FMN1: variants seen among roughly 807,000 people sequenced by gnomAD.
FMN1 encodes formin-1.
A neutral mutation model predicts 132.4 loss-of-function variants in FMN1; 110 were observed. The ratio of observed to expected loss-of-function variants is 0.83; its 90% CI spans 0.71 to 0.97. FMN1 has a LOEUF of 0.97. Among genes scored for constraint, FMN1 ranks in the 50% least tolerant of loss-of-function variants. The pLI is 0.00. For missense variants in FMN1, 1,792 were observed against 1,705.3 expected, an observed-to-expected ratio of 1.05 and a Z score of -0.90; for synonymous variants, 722 against 651.7, an observed-to-expected ratio of 1.11 and a Z score of -1.64.
In FMN1 at chr15:33,153,692, C is replaced by G; in HGVS notation, c.1223G>C (p.Ser408Thr). Residue 408 changes from serine to threonine, a missense_variant, in exon 4 of 21, where the codon AGT becomes ACT. Coordinates refer to ENST00000616417, the MANE Select transcript of FMN1 (RefSeq NM_001277313.2). Reference sequence around the variant, plus strand: ...GGCCCCCTCGGCACTGGCCGACACACTAGAAATGGAGGCTGTTTCCCCGGC... The same window carrying G: ...GGCCCCCTCGGCACTGGCCGACACAGTAGAAATGGAGGCTGTTTCCCCGGC... ...SPAGETASIS[S>T]VSASAEGAVN... 1.3e-6 allele frequency: 2 copies of G among 1,536,436 alleles called. No homozygotes were observed. Among genetic ancestry groups the G allele is most frequent in the African/African-American group, 2.7e-5 (2 of 73,184 alleles).
chr15:33,012,772 G>C (rs981845439), intron 6 of FMN1: 5 of 716,358 alleles, frequency 7.0e-6, no homozygotes, highest in African/African-American at 5.2e-5. Context: ...TGGTTATGGA[G>C]AAAACTTCAG....
intron 6 of FMN1, among the ~76,000 whole-genome samples, chr15:33,055,802 C>G (rs2037189595): frequency 6.6e-6 from 1 of 152,046 alleles, no homozygotes; most frequent in African/African-American, 2.4e-5. Context: ...TTATCCTAAT[C>G]AAAAACCACT....
chr15:33,004,648 G>C (rs1252373683), intron 7 of FMN1, among the ~76,000 whole-genome samples: 6 of 152,108 alleles, frequency 3.9e-5, no homozygotes, highest in South Asian at 2.1e-4. Context: ...CAGGGATCTA[G>C]AACTAGAAAT....
intron 5 of FMN1, among the ~76,000 whole-genome samples, chr15:33,069,431 T>C (rs547498351): frequency 1.3e-5 from 2 of 152,324 alleles, no homozygotes; most frequent in African/African-American, 4.8e-5. Flanking sequence ...CCATCTCTGT[T>C]TGAGCAAAGG....
At chr15:33,119,905 CTT>C (rs1962393585) in intron 4 of FMN1, among the ~76,000 whole-genome samples, 1 of 152,132 alleles carries the variant, frequency 6.6e-6, no homozygotes, top group Non-Finnish European at 1.5e-5. Context: ...CTTAATGAGA[CTT>C]TGTGTTTATA....
chr15:33,060,048 T>C (rs144142538), intron 6 of FMN1, among the ~76,000 whole-genome samples: 8 of 152,360 alleles, frequency 5.3e-5, no homozygotes, highest in African/African-American at 1.9e-4. Flanking sequence ...TAAACCTTTT[T>C]CTGCACCCAC....
intron 9 of FMN1, among the ~76,000 whole-genome samples, chr15:32,956,845 A>T (rs745636038): frequency 6.6e-6 from 1 of 152,152 alleles, no homozygotes; most frequent in South Asian, 2.1e-4. Flanking sequence ...AACCCTATAA[A>T]TTTATGTTCA....
intron 9 of FMN1, among the ~76,000 whole-genome samples, chr15:32,959,773 T>C (rs2030292028): frequency 6.6e-6 from 1 of 152,242 alleles, no homozygotes; most frequent in Non-Finnish European, 1.5e-5. Flanking sequence ...CTTTGATGTT[T>C]AAAAACAAAT....
intron 6 of FMN1, among the ~76,000 whole-genome samples, chr15:33,049,012 C>G (rs1009435946): frequency 6.6e-6 from 1 of 152,078 alleles, no homozygotes; most frequent in Non-Finnish European, 1.5e-5. Context: ...TAAATTTAGA[C>G]GGTTAAAGGA....
chr15:32,914,827 C>T (rs2060645827), intron 10 of FMN1, among the ~76,000 whole-genome samples: 1 of 152,122 alleles, frequency 6.6e-6, no homozygotes, highest in Non-Finnish European at 1.5e-5. Context: ...TTGTACCATC[C>T]CCCCAGAAAC....
At chr15:33,067,167 AC>A (rs1196563439) in intron 5 of FMN1, 2 of 1,613,528 alleles carry the variant, frequency 1.2e-6, no homozygotes, top group Admixed American at 1.7e-5. Flanking sequence ...AGGTCTTGGG[AC>A]CCTTCTTCTC....
At chr15:33,144,841 C>T (rs559582668) in intron 4 of FMN1, among the ~76,000 whole-genome samples, 1 of 152,144 alleles carries the variant, frequency 6.6e-6, no homozygotes, top group Admixed American at 6.5e-5. Flanking sequence ...TTGGAAAATA[C>T]CAAAAGGAGT....
In FMN1 at chr15:33,150,661, A is replaced by G; in HGVS notation, c.1867+2387T>C. Reference sequence around the variant, plus strand: ...CTGGGAATTACTACTTGCCTCTAACATTGAAGAGTCTTCCAACTGGAAACA... The same window carrying G: ...CTGGGAATTACTACTTGCCTCTAACGTTGAAGAGTCTTCCAACTGGAAACA... On this transcript the variant is annotated intron_variant, in intron 4 of 20. Coordinates refer to ENST00000616417, the MANE Select transcript of FMN1 (RefSeq NM_001277313.2). The G allele has an allele frequency of 4.1e-6, 4 of 985,548 alleles. No homozygotes were observed. The South Asian group carries it at 1.4e-4, about 35-fold the overall frequency. 61.1% of individuals were successfully genotyped at this position (985,548 alleles called of 1,614,324 possible).
intron 9 of FMN1, among the ~76,000 whole-genome samples, chr15:32,958,986 T>C (rs981523970): frequency 7.2e-6 from 1 of 137,958 alleles, no homozygotes; most frequent in Non-Finnish European, 1.5e-5. Context: ...GGGGTTGCAG[T>C]GAGCCGAGAT....
intron 6 of FMN1, among the ~76,000 whole-genome samples, chr15:33,053,289 T>G (rs1367602522): frequency 1.3e-5 from 2 of 152,156 alleles, no homozygotes; most frequent in Non-Finnish European, 2.9e-5. Context: ...CTCTGGGGCT[T>G]TGGGGTCGCA....
intron 17 of FMN1, among the ~76,000 whole-genome samples, chr15:32,847,947 A>G (rs1384762466): frequency 6.6e-6 from 1 of 152,132 alleles, no homozygotes; most frequent in Non-Finnish European, 1.5e-5. Context: ...TCAAGATATA[A>G]ATGACTGAGA....
chr15:32,823,891 AG>A (rs1315746190), intron 17 of FMN1, among the ~76,000 whole-genome samples: 2 of 152,224 alleles, frequency 1.3e-5, no homozygotes, highest in African/African-American at 4.8e-5. Context: ...CGAACTCACA[AG>A]GTGGAAGGCA....
At chr15:32,906,660 T>C (rs2060432506) in intron 12 of FMN1, among the ~76,000 whole-genome samples, 1 of 152,216 alleles carries the variant, frequency 6.6e-6, no homozygotes, top group African/African-American at 2.4e-5. Context: ...TTTTCAGTGT[T>C]GAAACAGCCC....
intron 9 of FMN1, among the ~76,000 whole-genome samples, chr15:32,927,398 C>A (rs2060988614): frequency 6.6e-6 from 1 of 152,092 alleles, no homozygotes; most frequent in Admixed American, 6.5e-5. Context: ...ACTATAGGTG[C>A]AGGCCACCAT....
Sources: allele counts gnomAD v4.1 joint callset (sites outside exome capture counted in the v4.1 genomes callset), GRCh38; gene constraint gnomAD v4.1.1; transcripts MANE v1.5; gene names NCBI Gene and HGNC (gene_info 2026-07-23, HGNC 2026-07-21).